MAP3K9: variants seen among roughly 807,000 people sequenced by gnomAD.
MAP3K9 encodes mitogen-activated protein kinase kinase kinase 9.
MAP3K9 carries 46 observed loss-of-function variants against 95.8 expected under a neutral mutation model. The ratio of observed to expected loss-of-function variants is 0.48; its 90% confidence interval spans 0.38 to 0.61. The LOEUF is 0.61. MAP3K9 is among the 20% of genes least tolerant of loss of function. MAP3K9 has a pLI of 0.00. For synonymous variants in MAP3K9, 533 were observed against 593.8 expected, an observed-to-expected ratio of 0.90 and a Z score of 1.49; for missense variants, 1,296 against 1,474.3, an observed-to-expected ratio of 0.88 and a Z score of 1.98.
At chr14:70,793,419 G>C (rs1427722054) in intron 2 of MAP3K9, among the ~76,000 whole-genome samples, 1 of 152,192 alleles carries the variant, frequency 6.6e-6, no homozygotes, top group African/African-American at 2.4e-5. Context: ...GGGCCTGGTG[G>C]CTCACGCCTG....
rs114613815 is a variant in MAP3K9 at position 70,752,846 on chromosome 14, G to A, written c.1002-2765C>T. On this transcript the variant is annotated intron_variant, in intron 3 of 11. Transcript: ENST00000554752. ...GTGTCCTGTGAAGGTGTCTCAGACC[G>A]CCTGGAAGCATGTCGGGGGTGAGGC... is the stretch of plus-strand genomic sequence containing the variant. The A allele has an allele frequency of 9.9e-3, 1,511 of 152,484 alleles. 10 individuals carry two copies. The highest frequency in any genetic ancestry group is 0.027 in the African/African-American group (1,137 of 41,532). The allele number at this position is 152,484 out of a possible 1,614,324, so 9.4% of individuals were successfully genotyped here.
At chr14:70,798,501 C>T (rs568829239) in intron 2 of MAP3K9, among the ~76,000 whole-genome samples, 62 of 50,800 alleles carry the variant, frequency 1.2e-3, no homozygotes, top group Admixed American at 3.2e-3. Context: ...TTTTTTGAGA[C>T]GGAGTCTCGC....
chr14:70,801,880 A>C (rs139972389), intron 1 of MAP3K9, among the ~76,000 whole-genome samples: 1 of 152,160 alleles, frequency 6.6e-6, no homozygotes, highest in East Asian at 1.9e-4. Context: ...TGGAGTACGA[A>C]GTATACGGTA....
intron 3 of MAP3K9, chr14:70,752,893 T>A (rs1014447427): frequency 2.0e-5 from 3 of 152,444 alleles, no homozygotes; most frequent in African/African-American, 7.2e-5. Context: ...GTTATGGGAC[T>A]GGGACTGGCC....
At chr14:70,762,912 A>G (rs1374622959) in intron 2 of MAP3K9, among the ~76,000 whole-genome samples, 1 of 152,224 alleles carries the variant, frequency 6.6e-6, no homozygotes, top group Non-Finnish European at 1.5e-5. Context: ...ATTTCTGCAT[A>G]TAACAGGGGT....
In MAP3K9 at chr14:70,809,214, G is replaced by A. The variant is rs2055038676; in HGVS notation, c.-43C>T. On this transcript the variant is annotated 5_prime_UTR_variant, in exon 1 of 12. Coordinates refer to ENST00000554752, the MANE Select transcript of MAP3K9 (RefSeq NM_001284230.2). Reference sequence around the variant, plus strand: ...GGGTGCGGGGCCGCCGCCGCCCGCAGGAGCCGCCGCCGCCTATTGTTCATG... The same window carrying A: ...GGGTGCGGGGCCGCCGCCGCCCGCAAGAGCCGCCGCCGCCTATTGTTCATG... 9 of 1,284,910 alleles carry A rather than the reference G, an allele frequency of 7.0e-6. No homozygotes were observed. The highest frequency in any genetic ancestry group is 8.8e-6 in the Non-Finnish European group (9 of 1,022,132). The allele number at this position is 1,284,910 out of a possible 1,614,324, so 79.6% of individuals were successfully genotyped here.
At chr14:70,788,936 T>C (rs1159350090) in intron 2 of MAP3K9, among the ~76,000 whole-genome samples, 1 of 152,082 alleles carries the variant, frequency 6.6e-6, no homozygotes, top group Non-Finnish European at 1.5e-5. Context: ...AAAGCTAAGT[T>C]GACATAGGGA....
intron 2 of MAP3K9, among the ~76,000 whole-genome samples, chr14:70,775,392 C>CTA (rs1302284333): frequency 6.6e-6 from 1 of 152,172 alleles, no homozygotes; most frequent in Non-Finnish European, 1.5e-5. Flanking sequence ...GCTTCTAGGC[C>CTA]TATGCTCCTT....
chr14:70,734,343 GA>G, intron 10 of MAP3K9, 42 bp downstream of exon 10: 2 of 1,390,810 alleles, frequency 1.4e-6, no homozygotes, highest in South Asian at 2.3e-5. Flanking sequence ...TGCCCCCAGG[GA>G]GCAGGGAGAC....
At position 70,776,158 on chromosome 14, in the gene MAP3K9, C is replaced by T. The variant is rs147449665; in HGVS notation, c.821-14976G>A. Among the ~76,000 whole-genome samples the T allele has an allele frequency of 6.3e-3, 952 of 152,216 alleles. 16 individuals carry two copies. Among genetic ancestry groups the T allele is most frequent in the African/African-American group, 0.021 (889 of 41,542 alleles). ...GAGCCAAGATCGCGCCATTACACTC[C>T]AGCCTGGGCGACAGAGCGAGACTCC... On this transcript the variant is annotated intron_variant, in intron 2 of 11. Transcript: ENST00000554752.
intron 3 of MAP3K9, among the ~76,000 whole-genome samples, chr14:70,754,189 G>A (rs2054267986): frequency 6.6e-6 from 1 of 152,166 alleles, no homozygotes. Flanking sequence ...CATTCAAAAT[G>A]ATGATGTATT....
chr14:70,789,848 G>A (rs2054787667), intron 2 of MAP3K9, among the ~76,000 whole-genome samples: 2 of 152,216 alleles, frequency 1.3e-5, no homozygotes, highest in Non-Finnish European at 2.9e-5. Context: ...GGATCACACA[G>A]GGGACATGTT....
At chr14:70,804,067 C>T (rs998264497) in intron 1 of MAP3K9, among the ~76,000 whole-genome samples, 2 of 152,166 alleles carry the variant, frequency 1.3e-5, no homozygotes, top group Non-Finnish European at 2.9e-5. Flanking sequence ...CAAGTGGTTG[C>T]CTAATCTCTG....
intron 2 of MAP3K9, among the ~76,000 whole-genome samples, chr14:70,767,383 CAAAAAAA>C (rs67534847): frequency 4.6e-5 from 3 of 65,324 alleles, no homozygotes; most frequent in Non-Finnish European, 5.7e-5. Flanking sequence ...CACTCAGTCT[CAAAAAAA>C]AAAAAAAAAA....
chr14:70,733,567 G>C (rs1594763877), intron 10 of MAP3K9, among the ~76,000 whole-genome samples: 1 of 152,240 alleles, frequency 6.6e-6, no homozygotes, highest in Admixed American at 6.5e-5. Flanking sequence ...CATTTCCTTA[G>C]AGCAGAATAA....
At chr14:70,791,644 T>A (rs959830368) in intron 2 of MAP3K9, among the ~76,000 whole-genome samples, 1 of 152,180 alleles carries the variant, frequency 6.6e-6, no homozygotes, top group Non-Finnish European at 1.5e-5. Context: ...CACCTTCCCT[T>A]TCCACTTTGT....
In MAP3K9 at chr14:70,761,160, C is replaced by T. The variant is rs1334147769; in HGVS notation, c.843G>A (p.Glu281=). ...SSNILILQKV[E]NGDLSNKILK... is the part of the protein sequence containing the mutation. ...GAATCTTGTTGCTCAGGTCTCCATT[C>T]TCCACCTTCTGGAGGATCAATACTA... Residue 281 remains glutamate (E), a synonymous_variant, in exon 3 of 12, where the codon GAG becomes GAA. Coordinates refer to ENST00000554752, the MANE Select transcript of MAP3K9 (RefSeq NM_001284230.2). 1.2e-6 allele frequency: 2 copies of T among 1,613,738 alleles called. No individual in the cohort carries two copies. The highest frequency in any genetic ancestry group is 1.7e-6 in the Non-Finnish European group (2 of 1,179,880).
chr14:70,765,564 C>T, intron 2 of MAP3K9: 1 of 584,792 alleles, frequency 1.7e-6, no homozygotes, highest in African/African-American at 1.9e-5. Context: ...CATTTAGGTA[C>T]ACAAAGTCTT....
intron 2 of MAP3K9, among the ~76,000 whole-genome samples, chr14:70,784,311 A>T (rs116713822): frequency 0.012 from 1,829 of 152,180 alleles, 48 homozygotes; most frequent in African/African-American, 0.042. Context: ...TAAAATAAAT[A>T]AAATAAAATA....
Sources: allele counts gnomAD v4.1 joint callset (sites outside exome capture counted in the v4.1 genomes callset), GRCh38; gene constraint gnomAD v4.1.1; transcripts MANE v1.5; gene names NCBI Gene and HGNC (gene_info 2026-07-23, HGNC 2026-07-21).